Variants in RAP1A observed in about 807,000 individuals in gnomAD.
RAP1A encodes RAP1A, member of RAS oncogene family, also known as ras-related protein Rap-1A.
Under a neutral mutation model 26.4 loss-of-function variants are expected in RAP1A, and 6 were observed. The ratio of observed to expected loss-of-function variants is 0.23; its 90% CI spans 0.12 to 0.45. The LOEUF (loss-of-function observed/expected upper bound fraction) is 0.45. Ranked by LOEUF, RAP1A falls within the 20% of genes least tolerant of loss-of-function variation. RAP1A has a pLI of 0.99. For synonymous variants in RAP1A, 73 were observed against 79.4 expected, an observed-to-expected ratio of 0.92 and a Z score of 0.43; for missense variants, 121 against 217.2, an observed-to-expected ratio of 0.56 and a Z score of 2.78.
chr1:111,713,712 A>G lies in RAP1A; in HGVS notation c.*1311A>G, dbSNP rs1348138394. 6.6e-6 allele frequency: 1 copy of G among 152,232 alleles called. No homozygotes were observed. The highest frequency in any genetic ancestry group is 2.1e-4 in the South Asian group (1 of 4,834). The allele number at this position is 152,232 out of a possible 1,614,324, so 9.4% of individuals were successfully genotyped here. ...CTAAGTTAAAATTGTAGCTTCCTAT[A>G]TAGTGGTGCTTTTTCTTTTCCTTCC... On this transcript the variant is annotated 3_prime_UTR_variant, in exon 8 of 8. Transcript: ENST00000369709.
intron 1 of RAP1A, among the ~76,000 whole-genome samples, chr1:111,646,251 G>A (rs888224926): frequency 1.3e-5 from 2 of 151,468 alleles, no homozygotes; most frequent in South Asian, 2.1e-4. Context: ...CTCCCACAAC[G>A]TAACATGGGT....
rs72985198 is a variant in RAP1A, at chr1:111,649,030, C to T, written c.-28+29096C>T. On this transcript the variant is annotated intron_variant, in intron 1 of 7. Transcript: ENST00000369709. ...ATGTCATCATTGACCTTGTGGAGTC[C>T]GTGGATGTCACTCTCCACAGACTGG... The T allele has an allele frequency of 3.7e-3, 2,281 of 620,150 alleles. 30 individuals are homozygous for T. In the African/African-American group the frequency reaches 0.038, roughly 10 times the overall value. The allele number at this position is 620,150 out of a possible 1,614,324, so 38.4% of individuals were successfully genotyped here. A position where few individuals can be genotyped will look rare whatever the true frequency, so the allele number is the denominator to read the frequency against.
rs139146384 is a variant in RAP1A at position 111,563,929 on chromosome 1, G to A, written c.-28+21420G>A. 873 of 1,613,780 alleles carry A rather than the reference G, an allele frequency of 5.4e-4. 9 individuals are homozygous for A. The African/African-American group carries it at 0.011, about 20-fold the overall frequency. On this transcript the variant is annotated intron_variant, in intron 1 of 7. Transcript: ENST00000356415. ...CCCACCTGGCCTCCTTCTGCTCAAT[G>A]GGTCCTGCTGGAGACCCTTCCATTG...
intron 1 of RAP1A, among the ~76,000 whole-genome samples, chr1:111,655,246 A>AAT (rs1660411923): frequency 8.9e-6 from 1 of 112,060 alleles, no homozygotes; most frequent in Non-Finnish European, 1.8e-5. Flanking sequence ...AAAAAAAGAA[A>AAT]AAAAAACAAT....
chr1:111,694,719 G>T (rs1381933711), intron 2 of RAP1A, among the ~76,000 whole-genome samples: 1 of 152,198 alleles, frequency 6.6e-6, no homozygotes, highest in African/African-American at 2.4e-5. Context: ...TTTGAATGTG[G>T]TTATAAATTA....
chr1:111,666,926 G>C (rs1571544248), intron 1 of RAP1A, among the ~76,000 whole-genome samples: 1 of 79,272 alleles, frequency 1.3e-5, no homozygotes, highest in Admixed American at 1.3e-4. Flanking sequence ...CTGTCATAGA[G>C]AGTAAATAGG....
At chr1:111,548,028 GTT>G (rs1657102832) in intron 1 of RAP1A, among the ~76,000 whole-genome samples, 1 of 152,100 alleles carries the variant, frequency 6.6e-6, no homozygotes, top group Non-Finnish European at 1.5e-5. Context: ...TTGTTTGTTT[GTT>G]TGTCTTTTGA....
intron 1 of RAP1A, among the ~76,000 whole-genome samples, chr1:111,600,314 A>G (rs1428743280): frequency 6.6e-6 from 1 of 152,202 alleles, no homozygotes; most frequent in Non-Finnish European, 1.5e-5. Context: ...TGGTAATCAC[A>G]ACAGCTTGAA....
intron 1 of RAP1A, among the ~76,000 whole-genome samples, chr1:111,607,700 C>T (rs1658819776): frequency 7.4e-6 from 1 of 135,632 alleles, no homozygotes; most frequent in Non-Finnish European, 1.6e-5. Context: ...GCTGACCCCC[C>T]CACCTCCCTC....
intron 1 of RAP1A, among the ~76,000 whole-genome samples, chr1:111,671,569 GGT>G (rs1401891281): frequency 6.6e-6 from 1 of 152,028 alleles, no homozygotes; most frequent in Non-Finnish European, 1.5e-5. Context: ...CCGCCTCCCT[GGT>G]TCAAGCGATT....
At chr1:111,666,861 C>T (rs890951872) in intron 1 of RAP1A, among the ~76,000 whole-genome samples, 2 of 151,992 alleles carry the variant, frequency 1.3e-5, no homozygotes, top group East Asian at 3.9e-4. Context: ...CTGCAAAAGC[C>T]CTGTGGCAGA....
chr1:111,688,629 A>G (rs1156893431), intron 1 of RAP1A, among the ~76,000 whole-genome samples: 2 of 151,814 alleles, frequency 1.3e-5, no homozygotes, highest in Admixed American at 6.6e-5. Context: ...CAAAGTCTGT[A>G]TATTTTAACT....
At chr1:111,672,435 C>G (rs1371575433) in intron 1 of RAP1A, among the ~76,000 whole-genome samples, 4 of 152,170 alleles carry the variant, frequency 2.6e-5, no homozygotes, top group Non-Finnish European at 5.9e-5. Flanking sequence ...AGTAGCTCAG[C>G]TGGGTGAATC....
chr1:111,710,733 G>T (rs1437154067), intron 7 of RAP1A, among the ~76,000 whole-genome samples: 1 of 152,188 alleles, frequency 6.6e-6, no homozygotes, highest in Non-Finnish European at 1.5e-5. Context: ...TGGGCAGAAA[G>T]GAGAAAAGGG....
intron 7 of RAP1A, among the ~76,000 whole-genome samples, 180 bp from the exon 8 acceptor site, chr1:111,712,251 T>C (rs1329630218): frequency 6.6e-6 from 1 of 152,142 alleles, no homozygotes; most frequent in Non-Finnish European, 1.5e-5. Context: ...TTTAAAACAT[T>C]TTTAAAGGGA....
At chr1:111,696,229 C>T (rs1187216151) in intron 3 of RAP1A, among the ~76,000 whole-genome samples, 1 of 152,062 alleles carries the variant, frequency 6.6e-6, no homozygotes, top group African/African-American at 2.4e-5. Context: ...TTATAAAAGG[C>T]TAGTAGCCAA....
chr1:111,563,916 C>G, intron 1 of RAP1A: 1 of 1,613,946 alleles, frequency 6.2e-7, no homozygotes, highest in South Asian at 1.1e-5. Context: ...CACCTGGCCT[C>G]CTTCTGCTCA....
chr1:111,651,094 G>A (rs1178719432), intron 1 of RAP1A, among the ~76,000 whole-genome samples: 2 of 152,098 alleles, frequency 1.3e-5, no homozygotes, highest in Middle Eastern at 3.2e-3. Flanking sequence ...GAGCCACTGC[G>A]CCCGTCTTCA....
intron 1 of RAP1A, among the ~76,000 whole-genome samples, chr1:111,566,667 C>T (rs1169255664): frequency 6.6e-6 from 1 of 152,142 alleles, no homozygotes; most frequent in Non-Finnish European, 1.5e-5. Flanking sequence ...TTTTCATTTC[C>T]TTTGATCAGA....
Sources: gnomAD v4.1 joint callset for allele counts (sites outside exome capture counted in the v4.1 genomes callset) on GRCh38, gnomAD v4.1.1 for gene constraint, MANE v1.5 for transcripts, NCBI Gene and HGNC (gene_info 2026-07-23, HGNC 2026-07-21) for gene names.